Variants in SH3BGRL2 observed in about 807,000 individuals in gnomAD.
The protein encoded by SH3BGRL2 is SH3 domain binding glutamate rich protein like 2.
A neutral mutation model predicts 14.8 loss-of-function variants in SH3BGRL2; 21 were observed. The ratio of observed to expected loss-of-function variants is 1.42; its 90% CI spans 1.01 to 2.05. The LOEUF is 2.05. SH3BGRL2 is among the 30% of genes most tolerant of loss of function. SH3BGRL2 has a pLI of 0.00. For synonymous variants in SH3BGRL2, 50 were observed against 47.8 expected (o/e 1.05, Z -0.19); for missense variants, 147 against 130.8 (o/e 1.12, Z -0.61).
chr6:79,669,359 T>C (rs1769725013), intron 1 of SH3BGRL2, among the ~76,000 whole-genome samples: 1 of 152,004 alleles, frequency 6.6e-6, no homozygotes, highest in Non-Finnish European at 1.5e-5. Context: ...GTTCCCTATC[T>C]CACAGGCCTT....
the SH3BGRL2 span, among the ~76,000 whole-genome samples, chr6:79,624,911 C>A: frequency 6.6e-6 from 1 of 152,098 alleles, no homozygotes; most frequent in Non-Finnish European, 1.5e-5. Flanking sequence ...ATGGCTCACG[C>A]CTGTAATCCG....
intron 1 of SH3BGRL2, among the ~76,000 whole-genome samples, chr6:79,637,495 A>G (rs912400792): frequency 6.6e-6 from 1 of 152,080 alleles, no homozygotes; most frequent in Non-Finnish European, 1.5e-5. Flanking sequence ...GTTCGAGACC[A>G]GCCTGGCCAG....
In SH3BGRL2 at chr6:79,654,988, A is replaced by G. The variant is rs902230234; in HGVS notation, c.46-18626A>G. On this transcript the variant is annotated intron_variant, in intron 1 of 3. Coordinates refer to ENST00000369838, the MANE Select transcript of SH3BGRL2 (RefSeq NM_031469.4). ...ACTTAATTCATTAAAAGTGTAATTA[A>G]TCTTATAAAGGGGGAATTAATGACA... is the stretch of plus-strand genomic sequence containing the variant. Among the ~76,000 whole-genome samples the G allele has an allele frequency of 3.3e-5, 5 of 152,156 alleles. No individual in the cohort carries two copies. In the East Asian group the frequency reaches 7.7e-4, roughly 23 times the overall value.
chr6:79,645,627 T>C (rs1005135531), intron 1 of SH3BGRL2, among the ~76,000 whole-genome samples: 11 of 152,214 alleles, frequency 7.2e-5, no homozygotes, highest in Non-Finnish European at 1.3e-4. Context: ...CTATCAAAAG[T>C]GGGAAACCAT....
the SH3BGRL2 span, among the ~76,000 whole-genome samples, chr6:79,560,559 A>G: frequency 3.9e-5 from 6 of 152,228 alleles, no homozygotes; most frequent in African/African-American, 9.6e-5. Context: ...CCAGAAAGAC[A>G]ACAACTAGAA....
chr6:79,631,416 C>A lies in SH3BGRL2; in HGVS notation c.-46C>A. The A allele has an allele frequency of 6.7e-7, 1 of 1,490,572 alleles. No homozygotes were observed. The highest frequency in any genetic ancestry group is 2.3e-5 in the Admixed American group (1 of 44,252). 92.3% of individuals were successfully genotyped at this position (1,490,572 alleles called of 1,614,324 possible). ...GGGTTCAGCTCTGCGTCCACGCCAG[C>A]CCGGAGCCCGGGGGGCAAGGGGTCT... On this transcript the variant is annotated 5_prime_UTR_variant, in exon 1 of 4. Coordinates refer to ENST00000369838, the MANE Select transcript of SH3BGRL2 (RefSeq NM_031469.4).
chr6:79,574,558 A>G, the SH3BGRL2 span: 1 of 152,186 alleles, frequency 6.6e-6, no homozygotes, highest in South Asian at 2.1e-4. Flanking sequence ...AAACTATTCT[A>G]AAATCTAGTG....
At chr6:79,595,246 C>T in the SH3BGRL2 span, among the ~76,000 whole-genome samples, 1 of 151,672 alleles carries the variant, frequency 6.6e-6, no homozygotes, top group Admixed American at 6.6e-5. Context: ...GCCAAGATTG[C>T]GCCATTGCAC....
At chr6:79,578,937 CA>C in the SH3BGRL2 span, among the ~76,000 whole-genome samples, 1 of 152,118 alleles carries the variant, frequency 6.6e-6, no homozygotes, top group Non-Finnish European at 1.5e-5. Context: ...CTAGAATAAA[CA>C]GTGTAGAGAA....
At chr6:79,556,271 A>G in the SH3BGRL2 span, among the ~76,000 whole-genome samples, 87 of 152,312 alleles carry the variant, frequency 5.7e-4, no homozygotes, top group South Asian at 0.017. Context: ...TGAGGAAAAC[A>G]GATACACTAC....
chr6:79,677,503 G>A (rs1465736759), intron 2 of SH3BGRL2, among the ~76,000 whole-genome samples: 1 of 152,148 alleles, frequency 6.6e-6, no homozygotes, highest in Admixed American at 6.5e-5. Flanking sequence ...GTAGAAATAC[G>A]AGGTCAGTTG....
At chr6:79,544,339 T>G in the SH3BGRL2 span, among the ~76,000 whole-genome samples, 4 of 152,110 alleles carry the variant, frequency 2.6e-5, no homozygotes, top group Non-Finnish European at 5.9e-5. Context: ...CCCAGTGAGG[T>G]GCTTAAAAAA....
the SH3BGRL2 span, among the ~76,000 whole-genome samples, chr6:79,582,300 G>A: frequency 6.6e-6 from 1 of 152,036 alleles, no homozygotes; most frequent in African/African-American, 2.4e-5. Context: ...AAGTTCATAT[G>A]GAACCAAAAA....
At chr6:79,580,788 T>C in the SH3BGRL2 span, among the ~76,000 whole-genome samples, 1 of 151,838 alleles carries the variant, frequency 6.6e-6, no homozygotes, top group African/African-American at 2.4e-5. Flanking sequence ...GAAATTAAGA[T>C]CAGAGCAGAA....
intron 2 of SH3BGRL2, among the ~76,000 whole-genome samples, chr6:79,691,610 G>T (rs1033103777): frequency 2.7e-5 from 4 of 149,746 alleles, no homozygotes; most frequent in African/African-American, 9.9e-5. Flanking sequence ...GCAGTGTTTG[G>T]TTTTTTGTCC....
chr6:79,558,429 A>G, the SH3BGRL2 span, among the ~76,000 whole-genome samples: 1 of 152,196 alleles, frequency 6.6e-6, no homozygotes, highest in Non-Finnish European at 1.5e-5. Context: ...AATTTTTAAC[A>G]TCCTTTTAGA....
chr6:79,625,199 C>CACATATATATAT, the SH3BGRL2 span, among the ~76,000 whole-genome samples: 2 of 144,116 alleles, frequency 1.4e-5, no homozygotes, highest in African/African-American at 5.7e-5. Context: ...TATATACACA[C>CACATATATATAT]ACACATACAT....
the SH3BGRL2 span, among the ~76,000 whole-genome samples, chr6:79,556,895 G>C: frequency 6.6e-6 from 1 of 151,866 alleles, no homozygotes; most frequent in Non-Finnish European, 1.5e-5. Flanking sequence ...AACATTAACT[G>C]TCTTTGGATA....
the SH3BGRL2 span, among the ~76,000 whole-genome samples, chr6:79,585,393 C>G: frequency 1.3e-5 from 2 of 152,176 alleles, no homozygotes; most frequent in African/African-American, 4.8e-5. Context: ...TTTGTCTAGT[C>G]TTCTTCATTT....
Sources: gnomAD v4.1 joint callset for allele counts (sites outside exome capture counted in the v4.1 genomes callset) on GRCh38, gnomAD v4.1.1 for gene constraint, MANE v1.5 for transcripts, NCBI Gene and HGNC (gene_info 2026-07-23, HGNC 2026-07-21) for gene names.